Variants in NAV2 observed in about 807,000 individuals in gnomAD.
NAV2 encodes the protein neuron navigator 2.
Under a neutral mutation model 223.2 loss-of-function variants are expected in NAV2, and 54 were observed. The observed-to-expected ratio is 0.24, with a 90% CI of 0.19 to 0.30. The LOEUF (loss-of-function observed/expected upper bound fraction) is 0.30, where lower values mean the gene tolerates loss of function less well. NAV2 is among the 10% of genes least tolerant of loss of function. The probability of loss-of-function intolerance (pLI) is 1.00; values close to 1 mark genes in which losing one functional copy is unlikely to be tolerated. For synonymous variants in NAV2, 1,279 were observed against 1,239.3 expected, an observed-to-expected ratio of 1.03 and a Z score of -0.67; for missense variants, 2,806 against 3,147.5, an observed-to-expected ratio of 0.89 and a Z score of 2.60.
intron 36 of NAV2, among the ~76,000 whole-genome samples, chr11:20,109,715 A>C (rs1178206026): frequency 6.6e-6 from 1 of 152,206 alleles, no homozygotes; most frequent in Non-Finnish European, 1.5e-5. Flanking sequence ...TTTGCCCCTG[A>C]TTCCACCTCA....
At chr11:20,005,253 A>ATATATATTTTTT (rs1277010848) in intron 11 of NAV2, among the ~76,000 whole-genome samples, 106 of 134,534 alleles carry the variant, frequency 7.9e-4, no homozygotes, top group Admixed American at 1.6e-3. Context: ...ATATATATAT[A>ATATATATTTTTT]TTTTTTTTTT....
At chr11:19,774,252 T>C (rs1365187500) in intron 1 of NAV2, among the ~76,000 whole-genome samples, 2 of 152,206 alleles carry the variant, frequency 1.3e-5, no homozygotes, top group Non-Finnish European at 2.9e-5. Context: ...TCATAGCTCA[T>C]TGCAGCCTTG....
intron 6 of NAV2, among the ~76,000 whole-genome samples, chr11:19,896,934 A>G (rs977946481): frequency 6.6e-6 from 1 of 152,084 alleles, no homozygotes; most frequent in Non-Finnish European, 1.5e-5. Context: ...ACATGCACAC[A>G]TATGTTTATT....
chr11:19,772,145 TC>T (rs1433091795), intron 1 of NAV2, among the ~76,000 whole-genome samples: 1 of 152,248 alleles, frequency 6.6e-6, no homozygotes, highest in Admixed American at 6.5e-5. Context: ...TTATACATCT[TC>T]TTCCTTTCTT....
At chr11:19,556,423 A>G (rs7127409) in intron 1 of NAV2, among the ~76,000 whole-genome samples, 14,275 of 152,238 alleles carry the variant, frequency 0.094, 2,243 homozygotes, top group African/African-American at 0.33. Flanking sequence ...ACAGTTAAAG[A>G]GTGGCAGGAA....
chr11:19,602,821 A>G (rs1417687698), intron 1 of NAV2, among the ~76,000 whole-genome samples: 1 of 78,842 alleles, frequency 1.3e-5, no homozygotes, highest in African/African-American at 5.3e-5. Context: ...ACCCTAATCT[A>G]GGATAATCTC....
intron 1 of NAV2, among the ~76,000 whole-genome samples, chr11:19,763,587 G>A (rs933315144): frequency 6.6e-6 from 1 of 152,134 alleles, no homozygotes; most frequent in Non-Finnish European, 1.5e-5. Context: ...TGTCAATGTG[G>A]AAGTGAATGA....
intron 1 of NAV2, among the ~76,000 whole-genome samples, chr11:19,728,728 G>T (rs1204919071): frequency 6.6e-6 from 1 of 152,210 alleles, no homozygotes; most frequent in Admixed American, 6.5e-5. Context: ...GTTACATCTT[G>T]GGTGTGAGTA....
At chr11:19,480,479 C>G (rs2042244787) in intron 1 of NAV2, among the ~76,000 whole-genome samples, 1 of 152,176 alleles carries the variant, frequency 6.6e-6, no homozygotes, top group South Asian at 2.1e-4. Context: ...GGGATGGATG[C>G]CCCTTCTCCT....
chr11:19,712,843 C>T lies in NAV2; in HGVS notation c.-853C>T, dbSNP rs529919070. 1.3e-5 allele frequency among the ~76,000 whole-genome samples: 2 copies of T among 151,296 alleles called. No individual in the cohort carries two copies. Among genetic ancestry groups the T allele is most frequent in the African/African-American group, 2.4e-5 (1 of 41,324 alleles). On this transcript the variant is annotated 5_prime_UTR_variant, in exon 1 of 38. Transcript: ENST00000349880. ...GCAGCGCCGGCAGCAGCCTGTCCTCCCCTGCGCTGAGCCCCGCAGCCAGCG... is the reference window on the plus strand; with the variant it reads ...GCAGCGCCGGCAGCAGCCTGTCCTCTCCTGCGCTGAGCCCCGCAGCCAGCG...
intron 11 of NAV2, among the ~76,000 whole-genome samples, chr11:20,028,914 A>C (rs1387484966): frequency 6.6e-6 from 1 of 152,202 alleles, no homozygotes; most frequent in Admixed American, 6.5e-5. Context: ...TGCAGGACCA[A>C]GCAGGTAGCA....
chr11:19,570,964 T>C (rs79816510), intron 1 of NAV2, among the ~76,000 whole-genome samples: 2,470 of 152,282 alleles, frequency 0.016, 81 homozygotes, highest in African/African-American at 0.056. Flanking sequence ...TGAGAACAAG[T>C]GTTTAAAAAA....
chr11:19,627,597 T>C (rs1201764615), intron 1 of NAV2, among the ~76,000 whole-genome samples: 1 of 152,096 alleles, frequency 6.6e-6, no homozygotes, highest in African/African-American at 2.4e-5. Context: ...AGTGAGACCT[T>C]TACCAAATTG....
chr11:19,658,179 A>G (rs1241259591), intron 1 of NAV2, among the ~76,000 whole-genome samples: 2 of 152,114 alleles, frequency 1.3e-5, no homozygotes, highest in East Asian at 1.9e-4. Context: ...ATCCCATTTC[A>G]CAACTTAAGA....
At chr11:19,348,445 G>A (rs1853117707), upstream of NAV2, among the ~76,000 whole-genome samples, 1 of 152,218 alleles carries the variant, frequency 6.6e-6, no homozygotes, top group East Asian at 1.9e-4. Context: ...GCATGGATAT[G>A]AGCAGGAACT....
At position 20,077,578 on chromosome 11, in the gene NAV2, G is replaced by C. The variant is rs747737485; in HGVS notation, c.5010G>C (p.Gln1670His). The change falls in exon 23 of 38, where the codon CAG (glutamine) becomes CAC (histidine). Residue 1670 changes from glutamine (Q) to histidine (H), a missense_variant. This residue lies in a region of NAV2 where 824 missense variants were observed against 1,069.4 expected (regional missense o/e 0.77). Transcript: ENST00000349880. ...ANAHLVAAFE[Q>H]SLGNMTIRLQ... ...CTCACCTTGTGGCAGCCTTTGAACAGAGTCTTGGTAACATGACAATCAGGC... is the reference window on the plus strand; with the variant it reads ...CTCACCTTGTGGCAGCCTTTGAACACAGTCTTGGTAACATGACAATCAGGC... 3.7e-6 allele frequency: 6 copies of C among 1,614,042 alleles called. No individual in the cohort carries two copies. The East Asian group carries it at 8.9e-5, about 24-fold the overall frequency.
chr11:19,642,126 C>A (rs1482218311), intron 1 of NAV2, among the ~76,000 whole-genome samples: 1 of 152,120 alleles, frequency 6.6e-6, no homozygotes, highest in Non-Finnish European at 1.5e-5. Context: ...TCTGGGGGAT[C>A]CCACTGGACA....
intron 1 of NAV2, among the ~76,000 whole-genome samples, chr11:19,390,766 T>G (rs1289854562): frequency 6.6e-6 from 1 of 152,044 alleles, no homozygotes; most frequent in East Asian, 1.9e-4. Flanking sequence ...CCCTATATGC[T>G]GAGAAAGAGC....
At chr11:19,876,265 A>G (rs2062824702) in intron 4 of NAV2, among the ~76,000 whole-genome samples, 1 of 152,104 alleles carries the variant, frequency 6.6e-6, no homozygotes, top group Non-Finnish European at 1.5e-5. Context: ...TGACCTTGTG[A>G]TCTGCCTGCC....
Sources: allele counts gnomAD v4.1 joint callset (sites outside exome capture counted in the v4.1 genomes callset), GRCh38; gene constraint gnomAD v4.1.1; regional missense constraint gnomAD v4.1.1; transcripts MANE v1.5; gene names NCBI Gene and HGNC (gene_info 2026-07-23, HGNC 2026-07-21).